Variants in KAT6A observed in about 807,000 individuals in gnomAD.
KAT6A encodes lysine acetyltransferase 6A.
A neutral mutation model predicts 198.4 loss-of-function variants in KAT6A; 9 were observed. That is an observed-to-expected ratio of 0.05 (90% CI 0.03 to 0.08). The LOEUF is 0.08. Among genes scored for constraint, KAT6A ranks in the 10% least tolerant of loss-of-function variants. The probability of loss-of-function intolerance (pLI) is 1.00; values close to 1 mark genes in which losing one functional copy is unlikely to be tolerated. For missense variants in KAT6A, 2,077 were observed against 2,509.9 expected (o/e 0.83, Z 3.69); for synonymous variants, 890 against 883.0 (o/e 1.01, Z -0.14).
Position 41,932,692 on chromosome 8 carries a change from T to G in KAT6A, c.5528A>C (p.Gln1843Pro). The G allele has an allele frequency of 1.2e-6, 2 of 1,614,224 alleles. No homozygotes were observed. Among genetic ancestry groups the G allele is most frequent in the Non-Finnish European group, 1.7e-6 (2 of 1,180,036 alleles). The change falls in exon 17 of 17, where the codon CAG (glutamine) becomes CCG (proline). Residue 1843 changes from glutamine (Q) to proline (P), a missense_variant. By Grantham distance (76) the Gln-to-Pro change is moderately conservative (BLOSUM62 -1). Transcript: ENST00000265713. ...SATNIGIPHT[Q>P]RLQGQMPVKG... is the part of the protein sequence containing the mutation. ...CACTGGCATTTGCCCTTGCAATCTC[T>G]GCGTGTGAGGAATGCCAATGTTGGT...
At chr8:42,001,971 G>A (rs544487720) in intron 2 of KAT6A, among the ~76,000 whole-genome samples, 7 of 152,202 alleles carry the variant, frequency 4.6e-5, no homozygotes, top group South Asian at 4.2e-4. Context: ...TTATAAAATC[G>A]TAACATTCAT....
intron 2 of KAT6A, among the ~76,000 whole-genome samples, chr8:42,028,181 G>A (rs945550934): frequency 3.3e-5 from 5 of 152,194 alleles, no homozygotes; most frequent in African/African-American, 1.2e-4. Context: ...AATGATCCAT[G>A]TGCTGATGAG....
intron 2 of KAT6A, among the ~76,000 whole-genome samples, chr8:42,008,011 C>T (rs1370347405): frequency 6.6e-6 from 1 of 150,740 alleles, no homozygotes; most frequent in Non-Finnish European, 1.5e-5. Flanking sequence ...CTTCATAATC[C>T]CAATCAATTA....
At chr8:42,027,177 T>C (rs756614960) in intron 2 of KAT6A, among the ~76,000 whole-genome samples, 13 of 152,234 alleles carry the variant, frequency 8.5e-5, no homozygotes, top group Admixed American at 6.5e-5. Flanking sequence ...TTGGATTGTC[T>C]ATCAGTATTT....
intron 8 of KAT6A, among the ~76,000 whole-genome samples, chr8:41,973,528 CT>C (rs1823904550): frequency 6.6e-6 from 1 of 152,028 alleles, no homozygotes; most frequent in South Asian, 2.1e-4. Flanking sequence ...CCTAGAAATT[CT>C]TCTTTTCAAG....
At chr8:41,954,456 C>T (rs944377572) in intron 9 of KAT6A, among the ~76,000 whole-genome samples, 5 of 152,186 alleles carry the variant, frequency 3.3e-5, no homozygotes, top group African/African-American at 1.2e-4. Flanking sequence ...TAACACCCTA[C>T]TAAATGGGAA....
At chr8:41,958,605 A>G (rs1406397073) in intron 8 of KAT6A, among the ~76,000 whole-genome samples, 1 of 152,204 alleles carries the variant, frequency 6.6e-6, no homozygotes, top group Non-Finnish European at 1.5e-5. Context: ...CTTGGACTGG[A>G]GTAGAATGTG....
intron 2 of KAT6A, among the ~76,000 whole-genome samples, chr8:42,019,413 A>C (rs1284821369): frequency 6.6e-6 from 1 of 152,194 alleles, no homozygotes; most frequent in Non-Finnish European, 1.5e-5. Context: ...GTACATTAGT[A>C]AACTGCACTG....
At chr8:41,959,447 T>C (rs1163643168) in intron 8 of KAT6A, among the ~76,000 whole-genome samples, 1 of 152,214 alleles carries the variant, frequency 6.6e-6, no homozygotes, top group Non-Finnish European at 1.5e-5. Flanking sequence ...AACAGTATGA[T>C]GGTTCCTCAA....
chr8:41,970,847 A>G (rs1384076383), intron 8 of KAT6A, among the ~76,000 whole-genome samples: 1 of 152,252 alleles, frequency 6.6e-6, no homozygotes, highest in Non-Finnish European at 1.5e-5. Flanking sequence ...GATAGACTGG[A>G]TTAAGAAAAT....
chr8:42,026,630 T>C (rs551654424), intron 2 of KAT6A, among the ~76,000 whole-genome samples: 3 of 152,344 alleles, frequency 2.0e-5, no homozygotes, highest in African/African-American at 4.8e-5. Context: ...TGCAACTTTA[T>C]TGAATTTGTG....
chr8:41,937,537 C>T lies in KAT6A; in HGVS notation c.3071G>A (p.Arg1024Gln), dbSNP rs762860004. 1.2e-6 allele frequency: 2 copies of T among 1,613,272 alleles called. No homozygotes were observed. Among genetic ancestry groups the T allele is most frequent in the Admixed American group, 1.7e-5 (1 of 59,936 alleles). ...ACTGCTATTGTGGTGTTTGCGCTTT[C>T]GGACTCTCCTCCTTCGGTGGAGAAA... ...KPFLHRRRRV[R>Q]KRKHHNSSVV... Residue 1024 changes from arginine (R) to glutamine (Q), a missense_variant, in exon 16 of 17, where the codon CGA becomes CAA. Physicochemically the swap from Arg to Gln is conservative, Grantham distance 43. Coordinates refer to ENST00000265713, the MANE Select transcript of KAT6A (RefSeq NM_006766.5).
chr8:41,943,969 T>C lies in KAT6A; in HGVS notation c.2007A>G (p.Leu669=), dbSNP rs748111701. ...ACCCTGCTTGGCCTTCACGCTTTGA[T>C]AACAAATAACCTAAAGAATCACAAA... The part of the protein sequence containing the change: ...GRFLIDFSYL[L]SKREGQAGSP... The change falls in exon 13 of 17, where the codon TTA becomes TTG. Residue 669 remains leucine, a synonymous_variant. Coordinates refer to ENST00000265713, the MANE Select transcript of KAT6A (RefSeq NM_006766.5). The C allele has an allele frequency of 4.3e-6, 7 of 1,612,188 alleles. No homozygotes were observed. The African/African-American group carries it at 9.4e-5, about 22-fold the overall frequency.
chr8:41,986,995 G>A (rs895386385), intron 3 of KAT6A, among the ~76,000 whole-genome samples: 2 of 152,084 alleles, frequency 1.3e-5, no homozygotes, highest in Non-Finnish European at 1.5e-5. Context: ...CCAAGATCAC[G>A]CCACTACACT....
chr8:42,022,266 C>T (rs1826578037), intron 2 of KAT6A, among the ~76,000 whole-genome samples: 1 of 151,942 alleles, frequency 6.6e-6, no homozygotes, highest in South Asian at 2.1e-4. Context: ...TTGTAAAATA[C>T]TGTACGTAAA....
chr8:41,935,750 A>G (rs1821819159), intron 16 of KAT6A, among the ~76,000 whole-genome samples: 1 of 152,222 alleles, frequency 6.6e-6, no homozygotes, highest in South Asian at 2.1e-4. Context: ...CTTGAAAGTC[A>G]ACAAAGGAAA....
intron 2 of KAT6A, among the ~76,000 whole-genome samples, chr8:42,004,230 T>C (rs1372221810): frequency 6.6e-6 from 1 of 152,196 alleles, no homozygotes; most frequent in Non-Finnish European, 1.5e-5. Flanking sequence ...CAGGATAGCA[T>C]ATGCTAAGTA....
At chr8:42,025,142 G>A (rs183158241) in intron 2 of KAT6A, among the ~76,000 whole-genome samples, 2 of 152,142 alleles carry the variant, frequency 1.3e-5, no homozygotes, top group East Asian at 3.9e-4. Context: ...ATTCTAACAA[G>A]GTAGAATGGT....
intron 15 of KAT6A, among the ~76,000 whole-genome samples, chr8:41,940,614 C>A (rs904737336): frequency 6.6e-6 from 1 of 152,120 alleles, no homozygotes; most frequent in African/African-American, 2.4e-5. Context: ...CTTAAATAAG[C>A]TTATGATTTC....
Sources: gnomAD v4.1 joint callset for allele counts (sites outside exome capture counted in the v4.1 genomes callset) on GRCh38, gnomAD v4.1.1 for gene constraint, MANE v1.5 for transcripts, NCBI Gene and HGNC (gene_info 2026-07-23, HGNC 2026-07-21) for gene names.